SORCS2: variants seen among roughly 807,000 people sequenced by gnomAD.
The protein encoded by SORCS2 is VPS10 domain-containing receptor SorCS2.
SORCS2 carries 100 observed loss-of-function variants against 141.6 expected under a neutral mutation model. The observed-to-expected ratio is 0.71, with a 90% CI of 0.60 to 0.83. SORCS2 has a LOEUF of 0.83. Among genes scored for constraint, SORCS2 ranks in the 40% least tolerant of loss-of-function variants. The pLI is 0.00. For missense variants in SORCS2, 1,646 were observed against 1,560.2 expected, an observed-to-expected ratio of 1.05 and a Z score of -0.93; for synonymous variants, 789 against 676.9, an observed-to-expected ratio of 1.17 and a Z score of -2.57.
intron 1 of SORCS2, among the ~76,000 whole-genome samples, chr4:7,209,130 G>T (rs1319491411): frequency 6.6e-6 from 1 of 152,214 alleles, no homozygotes; most frequent in Non-Finnish European, 1.5e-5. Context: ...CACTGAACTG[G>T]CCTTGTTGTA....
At position 7,266,015 on chromosome 4, in the gene SORCS2, C is replaced by T. The variant is rs544814173; in HGVS notation, c.480+72889C>T. Reference sequence around the variant, plus strand: ...TCTTCCTCCGTGTCATCCTACCTGTCTCCCTGTTCTCCTTTCCCGGCCCTG... The same window carrying T: ...TCTTCCTCCGTGTCATCCTACCTGTTTCCCTGTTCTCCTTTCCCGGCCCTG... On this transcript the variant is annotated intron_variant, in intron 1 of 26. Coordinates refer to ENST00000507866, the MANE Select transcript of SORCS2 (RefSeq NM_020777.3). Among the ~76,000 whole-genome samples the T allele has an allele frequency of 3.9e-5, 6 of 152,340 alleles. No individual in the cohort carries two copies. In the East Asian group the frequency reaches 1.2e-3, roughly 29 times the overall value.
intron 1 of SORCS2, among the ~76,000 whole-genome samples, chr4:7,342,255 C>T (rs1720409890): frequency 6.6e-6 from 1 of 152,118 alleles, no homozygotes; most frequent in Admixed American, 6.5e-5. Flanking sequence ...ATGGGTCTGC[C>T]TCCTCCCCTG....
intron 1 of SORCS2, among the ~76,000 whole-genome samples, chr4:7,195,374 GAGT>G (rs1727111585): frequency 6.6e-6 from 1 of 152,188 alleles, no homozygotes; most frequent in South Asian, 2.1e-4. Context: ...AACACTCGGG[GAGT>G]AGAAGCCAGG....
chr4:7,638,653 G>A (rs1036617771), intron 4 of SORCS2, among the ~76,000 whole-genome samples, 161 bp downstream of exon 4: 2 of 151,968 alleles, frequency 1.3e-5, no homozygotes, highest in South Asian at 2.1e-4. Context: ...CCCCGTCATC[G>A]CCCTCTCCTT....
chr4:7,314,107 C>CT (rs1286064590), intron 1 of SORCS2, among the ~76,000 whole-genome samples: 1 of 152,210 alleles, frequency 6.6e-6, no homozygotes, highest in Non-Finnish European at 1.5e-5. Context: ...ATCTGCTTCT[C>CT]TTTTTTGCCT....
At chr4:7,611,408 C>G (rs1463625563) in intron 3 of SORCS2, among the ~76,000 whole-genome samples, 1 of 152,212 alleles carries the variant, frequency 6.6e-6, no homozygotes. Flanking sequence ...CTTCCGCCCT[C>G]TCAGCCCCAA....
chr4:7,373,458 T>TACA (rs60884163), intron 1 of SORCS2, among the ~76,000 whole-genome samples: 2 of 82,830 alleles, frequency 2.4e-5, no homozygotes, highest in African/African-American at 1.4e-4. Flanking sequence ...TGAGAAACTT[T>TACA]TATATATATA....
intron 1 of SORCS2, among the ~76,000 whole-genome samples, chr4:7,266,559 C>G (rs1457351503): frequency 6.6e-6 from 1 of 152,234 alleles, no homozygotes; most frequent in East Asian, 1.9e-4. Context: ...TCTGGGGCCC[C>G]TGTCTTTACT....
chr4:7,438,526 A>G (rs1380687564), intron 2 of SORCS2, among the ~76,000 whole-genome samples: 1 of 152,168 alleles, frequency 6.6e-6, no homozygotes, highest in Non-Finnish European at 1.5e-5. Flanking sequence ...GCACCTGCCC[A>G]TCATTTTCTA....
Position 7,472,831 on chromosome 4 carries a change from G to A in SORCS2, c.549-58699G>A, listed in dbSNP as rs182834471. On this transcript the variant is annotated intron_variant, in intron 2 of 26. Coordinates refer to ENST00000507866, the MANE Select transcript of SORCS2 (RefSeq NM_020777.3). ...CTAGAACCTGGTTTGATTGGGGCGAGGGCGGAATTAACAGAACAAAACTGC... is the reference window on the plus strand; with the variant it reads ...CTAGAACCTGGTTTGATTGGGGCGAAGGCGGAATTAACAGAACAAAACTGC... Among the ~76,000 whole-genome samples the A allele has an allele frequency of 2.0e-3, 302 of 152,196 alleles. 2 individuals are homozygous for A. Among genetic ancestry groups the A allele is most frequent in the Middle Eastern group, 0.014 (4 of 294 alleles).
At chr4:7,362,070 T>G (rs1330241649) in intron 1 of SORCS2, among the ~76,000 whole-genome samples, 2 of 152,146 alleles carry the variant, frequency 1.3e-5, no homozygotes, top group Non-Finnish European at 2.9e-5. Context: ...TCCTTGCCTC[T>G]GGGATGGGCT....
At chr4:7,271,168 T>C (rs967922601) in intron 1 of SORCS2, among the ~76,000 whole-genome samples, 6 of 152,198 alleles carry the variant, frequency 3.9e-5, no homozygotes, top group African/African-American at 1.4e-4. Context: ...CTATCTCCTC[T>C]GTGCCCAGCA....
At chr4:7,487,113 C>G (rs1309775610) in intron 2 of SORCS2, among the ~76,000 whole-genome samples, 1 of 152,174 alleles carries the variant, frequency 6.6e-6, no homozygotes, top group African/African-American at 2.4e-5. Flanking sequence ...AGCCCACCCT[C>G]CCGGGTGGTA....
chr4:7,515,898 C>T (rs78731583), intron 2 of SORCS2, among the ~76,000 whole-genome samples: 8 of 152,214 alleles, frequency 5.3e-5, no homozygotes, highest in African/African-American at 1.9e-4. Context: ...CGTGTCACCT[C>T]GAGCAAGTGA....
chr4:7,716,639 AC>A (rs1560107841), intron 17 of SORCS2, among the ~76,000 whole-genome samples: 1 of 150,924 alleles, frequency 6.6e-6, no homozygotes, highest in Non-Finnish European at 1.5e-5. Flanking sequence ...CCATCCATCT[AC>A]CCATCCATCT....
chr4:7,376,305 G>A (rs1236540140), intron 1 of SORCS2, among the ~76,000 whole-genome samples: 8 of 152,122 alleles, frequency 5.3e-5, no homozygotes, highest in Non-Finnish European at 1.0e-4. Flanking sequence ...GGCTGGGCAC[G>A]GTGGCTCATG....
At chr4:7,737,794 C>G (rs543206731) in intron 26 of SORCS2, among the ~76,000 whole-genome samples, 3 of 152,188 alleles carry the variant, frequency 2.0e-5, no homozygotes, top group Non-Finnish European at 4.4e-5. Context: ...TGGGCTCAGC[C>G]GGGCTGCTCG....
intron 2 of SORCS2, among the ~76,000 whole-genome samples, chr4:7,510,300 G>C (rs912610983): frequency 1.3e-5 from 2 of 152,234 alleles, no homozygotes; most frequent in African/African-American, 4.8e-5. Flanking sequence ...GCCGGCCCCC[G>C]ATTCGGGGTG....
chr4:7,225,307 G>A (rs77971844), intron 1 of SORCS2, among the ~76,000 whole-genome samples: 2,347 of 152,296 alleles, frequency 0.015, 55 homozygotes, highest in African/African-American at 0.053. Context: ...AACTGTGAGC[G>A]AAGGGACCAA....
Sources: gnomAD v4.1 joint callset for allele counts (sites outside exome capture counted in the v4.1 genomes callset) on GRCh38, gnomAD v4.1.1 for gene constraint, MANE v1.5 for transcripts, NCBI Gene and HGNC (gene_info 2026-07-23, HGNC 2026-07-21) for gene names.